Variants in ZNF709 observed in about 807,000 individuals in gnomAD.
ZNF709 encodes zinc finger protein 709.
A neutral mutation model predicts 10.6 loss-of-function variants in ZNF709; 15 were observed. The ratio of observed to expected loss-of-function variants is 1.41; its 90% CI spans 0.95 to 2.18. The LOEUF is 2.18. Ranked by LOEUF, ZNF709 falls within the 30% of genes most tolerant of loss-of-function variation. The pLI is 0.00. For missense variants in ZNF709, 589 were observed against 774.0 expected, an observed-to-expected ratio of 0.76 and a Z score of 2.84; for synonymous variants, 194 against 238.8, an observed-to-expected ratio of 0.81 and a Z score of 1.73.
At chr19:12,479,105 C>T (rs184827934) in intron 1 of ZNF709, among the ~76,000 whole-genome samples, 1 of 152,098 alleles carries the variant, frequency 6.6e-6, no homozygotes, top group Admixed American at 6.6e-5. Flanking sequence ...GAGTTCAAGA[C>T]TAGCCTGAGC....
intron 3 of ZNF709, 31 bp downstream of exon 3, chr19:12,466,431 G>C: frequency 6.3e-7 from 1 of 1,592,556 alleles, no homozygotes; most frequent in Non-Finnish European, 8.6e-7. Context: ...TCTCTCATAA[G>C]ACAGTATTTT....
In ZNF709 at chr19:12,484,511, G is replaced by A. The variant is rs1450180742; in HGVS notation, c.3+144C>T. On this transcript the variant is annotated intron_variant, in intron 1 of 3. Transcript: ENST00000397732. ...GCCCCATCCTGCGGCCAAAGAGACC[G>A]AGGGCCGAGCTGCGCCAGGAGGACT... 5 of 1,136,326 alleles carry A rather than the reference G, an allele frequency of 4.4e-6. No individual in the cohort carries two copies. The African/African-American group carries it at 7.8e-5, about 18-fold the overall frequency. The allele number at this position is 1,136,326 out of a possible 1,614,324, so 70.4% of individuals were successfully genotyped here.
chr19:12,466,763 C>G lies in ZNF709; in HGVS notation c.91G>C (p.Asp31His). The G allele has an allele frequency of 6.2e-7, 1 of 1,613,990 alleles. No homozygotes were observed. The highest frequency in any genetic ancestry group is 8.5e-7 in the Non-Finnish European group (1 of 1,179,958). Residue 31 changes from aspartate to histidine, a missense_variant, in exon 2 of 4, where the codon GAT (aspartate) becomes CAT (histidine). Physicochemically the swap from Asp to His is moderately conservative, Grantham distance 81. Around this residue, in one of 2 missense-constraint regions of ZNF709, gnomAD observed 418 missense variants for 496.3 expected, o/e 0.84. Coordinates refer to ENST00000397732, the MANE Select transcript of ZNF709 (RefSeq NM_152601.4). ...LGPSQKKLYRDVMQETFVNLA... is the reference protein window; with the variant it reads ...LGPSQKKLYRHVMQETFVNLA... ...TTAACAAAGGTTTCTTGCATCACAT[C>G]TCTGTAGAGTTTCTTCTGAGAGGGA...
rs775606084 is a variant in ZNF709 at position 12,464,165 on chromosome 19, T to C, written c.1757A>G (p.Lys586Arg). The C allele has an allele frequency of 5.1e-5, 81 of 1,575,544 alleles. No individual in the cohort carries two copies. Among genetic ancestry groups the C allele is most frequent in the Non-Finnish European group, 6.6e-5 (77 of 1,164,916 alleles). ...RMHERTHTGV[K>R]PYECKQCDKA... Reference sequence around the variant, plus strand: ...GTCACATTGTTTACATTCATAGGGTTTCACTCCAGTGTGAGTCCTTTCATG... The same window carrying C: ...GTCACATTGTTTACATTCATAGGGTCTCACTCCAGTGTGAGTCCTTTCATG... The change falls in exon 4 of 4, where the codon AAA (lysine) becomes AGA (arginine). Residue 586 changes from lysine (K) to arginine (R), a missense_variant. This residue lies in a region of ZNF709 where 171 missense variants were observed against 277.7 expected (regional missense o/e 0.62). Transcript: ENST00000397732.
chr19:12,484,698 C>G lies in ZNF709; in HGVS notation c.-41G>C. The G allele has an allele frequency of 6.2e-7, 1 of 1,613,984 alleles. No homozygotes were observed. The highest frequency in any genetic ancestry group is 8.5e-7 in the Non-Finnish European group (1 of 1,179,898). On this transcript the variant is annotated 5_prime_UTR_variant, in exon 1 of 4. Coordinates refer to ENST00000397732, the MANE Select transcript of ZNF709 (RefSeq NM_152601.4). ...ATGTCCTGGTGTTCTGTTTACCTCT[C>G]CCGCGGCCAGCACAGGTCCTACCTC...
chr19:12,479,988 C>A (rs1383177789), intron 1 of ZNF709, among the ~76,000 whole-genome samples: 1 of 151,844 alleles, frequency 6.6e-6, no homozygotes, highest in Non-Finnish European at 1.5e-5. Flanking sequence ...GAGAGTGAGA[C>A]CCTGTCTCTA....
chr19:12,466,646 T>C (rs531993506), intron 2 of ZNF709, 78 bp downstream of exon 2: 1 of 1,610,142 alleles, frequency 6.2e-7, no homozygotes, highest in South Asian at 1.1e-5. Flanking sequence ...TTCAACATTC[T>C]AAACCTTGGA....
chr19:12,484,600 C>T, intron 1 of ZNF709, 55 bp downstream of exon 1: 1 of 1,606,034 alleles, frequency 6.2e-7, no homozygotes, highest in Non-Finnish European at 8.5e-7. Context: ...CAGATCCGGC[C>T]GGTTTCAACC....
intron 1 of ZNF709, among the ~76,000 whole-genome samples, chr19:12,472,233 A>C (rs746917621): frequency 8.5e-5 from 13 of 152,104 alleles, no homozygotes; most frequent in African/African-American, 2.7e-4. Flanking sequence ...TTAAAAACGG[A>C]AACACAGGCC....
At position 12,464,188 on chromosome 19, in the gene ZNF709, A is replaced by T. The variant is rs960165471; in HGVS notation, c.1734T>A (p.His578Gln). 9 of 1,579,900 alleles carry T rather than the reference A, an allele frequency of 5.7e-6. No individual in the cohort carries two copies. The highest frequency in any genetic ancestry group is 7.7e-6 in the Non-Finnish European group (9 of 1,166,170). Reference sequence around the variant, plus strand: ...GTTTCACTCCAGTGTGAGTCCTTTCATGCATTCGAACAGAACTAGAACAAC... The same window carrying T: ...GTTTCACTCCAGTGTGAGTCCTTTCTTGCATTCGAACAGAACTAGAACAAC... ...AFSCSSSVRM[H>Q]ERTHTGVKPY... Residue 578 changes from histidine (H) to glutamine (Q), a missense_variant, in exon 4 of 4, where the codon CAT (histidine) becomes CAA (glutamine). His to Gln is a conservative substitution (Grantham distance 24). Around this residue, in one of 2 missense-constraint regions of ZNF709, gnomAD observed 171 missense variants for 277.7 expected, o/e 0.62. Transcript: ENST00000397732.
chr19:12,473,491 T>C (rs1221379235), intron 1 of ZNF709, among the ~76,000 whole-genome samples: 2 of 152,174 alleles, frequency 1.3e-5, no homozygotes, highest in Non-Finnish European at 2.9e-5. Context: ...AGAACATCAA[T>C]AGACTAATTA....
rs1401253781 is a variant in ZNF709, at chr19:12,464,970, T to C, written c.952A>G (p.Ser318Gly). The change falls in exon 4 of 4, where the codon AGT (serine) becomes GGT (glycine). Residue 318 changes from serine (S) to glycine (G), a missense_variant. Physicochemically the swap from Ser to Gly is moderately conservative, Grantham distance 56. This residue lies in a region of ZNF709 where 418 missense variants were observed against 496.3 expected (regional missense o/e 0.84). Transcript: ENST00000397732. ...YKCKKCGKAFSFPSSFRKHER... is the reference protein window; with the variant it reads ...YKCKKCGKAFGFPSSFRKHER... Reference sequence around the variant, plus strand: ...TGTTTTCTAAAGGAACTAGGAAAACTGAAGGCTTTCCCACATTTTTTACAT... The same window carrying C: ...TGTTTTCTAAAGGAACTAGGAAAACCGAAGGCTTTCCCACATTTTTTACAT... The C allele has an allele frequency of 6.2e-7, 1 of 1,605,984 alleles. No homozygotes were observed. Among genetic ancestry groups the C allele is most frequent in the Admixed American group, 1.7e-5 (1 of 57,838 alleles).
intron 1 of ZNF709, among the ~76,000 whole-genome samples, chr19:12,482,150 C>G (rs1332960815): frequency 1.4e-5 from 2 of 138,508 alleles, no homozygotes; most frequent in East Asian, 2.0e-4. Context: ...CACACACACA[C>G]ACACAAACAC....
chr19:12,473,135 C>T (rs2144999270), intron 1 of ZNF709, among the ~76,000 whole-genome samples: 1 of 152,244 alleles, frequency 6.6e-6, no homozygotes, highest in African/African-American at 2.4e-5. Flanking sequence ...TCTCCAACAT[C>T]CAGAGAAGTT....
At chr19:12,474,225 A>G (rs1332766131) in intron 1 of ZNF709, among the ~76,000 whole-genome samples, 1 of 152,154 alleles carries the variant, frequency 6.6e-6, no homozygotes, top group African/African-American at 2.4e-5. Context: ...GCAAATTACC[A>G]TTCTACTCTA....
chr19:12,484,751 G>A lies in ZNF709; in HGVS notation c.-94C>T, dbSNP rs1194389102. 6.4e-7 allele frequency: 1 copy of A among 1,567,024 alleles called. No individual in the cohort carries two copies. ...CCTGAGGCCCTTCCTCCACCTGAGG[G>A]CCTTCTGGGGTGAGGAGACCCCAGA... On this transcript the variant is annotated 5_prime_UTR_variant, in exon 1 of 4. Transcript: ENST00000397732.
chr19:12,466,081 C>T (rs907695899), intron 3 of ZNF709, among the ~76,000 whole-genome samples: 4 of 151,928 alleles, frequency 2.6e-5, no homozygotes, highest in African/African-American at 9.7e-5. Context: ...GCTGGGATTA[C>T]AGGTACCCAC....
Position 12,465,735 on chromosome 19 carries a change from T to A in ZNF709, c.189-2A>T, listed in dbSNP as rs765053761. ...CAGAGCCTCTCTACCATATGACTTCTGTGAGAAAAAAACAAAACAAAACGC... is the reference window on the plus strand; with the variant it reads ...CAGAGCCTCTCTACCATATGACTTCAGTGAGAAAAAAACAAAACAAAACGC... On this transcript the variant is annotated splice_acceptor_variant, in intron 3 of 3. Transcript: ENST00000397732. LOFTEE classifies it high-confidence loss of function. 1 of 1,503,438 alleles carries A rather than the reference T, an allele frequency of 6.7e-7. No individual in the cohort carries two copies. The highest frequency in any genetic ancestry group is 8.8e-7 in the Non-Finnish European group (1 of 1,132,838). The allele number at this position is 1,503,438 out of a possible 1,614,324, so 93.1% of individuals were successfully genotyped here.
At chr19:12,475,983 AAC>A (rs1177962330) in intron 1 of ZNF709, among the ~76,000 whole-genome samples, 1 of 152,204 alleles carries the variant, frequency 6.6e-6, no homozygotes, top group Admixed American at 6.5e-5. Context: ...TTTTTCAACA[AAC>A]AGTGTTGGAA....
Sources: gnomAD v4.1 joint callset for allele counts (sites outside exome capture counted in the v4.1 genomes callset) on GRCh38, gnomAD v4.1.1 for gene constraint, gnomAD v4.1.1 regional missense constraint, MANE v1.5 for transcripts, NCBI Gene and HGNC (gene_info 2026-07-23, HGNC 2026-07-21) for gene names.